ZNF354A: variants seen among roughly 807,000 people sequenced by gnomAD.
ZNF354A encodes epididymis luminal protein 104.
In ZNF354A, 25 loss-of-function variants were observed where a neutral mutation model predicts 53.3. The ratio of observed to expected loss-of-function variants is 0.47; its 90% CI spans 0.34 to 0.66. ZNF354A has a LOEUF of 0.66. Among genes scored for constraint, ZNF354A ranks in the 30% least tolerant of loss-of-function variants. The pLI is 0.01. For synonymous variants in ZNF354A, 228 were observed against 249.0 expected (o/e 0.92, Z 0.79); for missense variants, 586 against 716.8 (o/e 0.82, Z 2.08).
At chr5:178,719,902 C>G (rs1409333367) in intron 4 of ZNF354A, among the ~76,000 whole-genome samples, 14 of 151,612 alleles carry the variant, frequency 9.2e-5, no homozygotes, top group East Asian at 3.9e-4. Flanking sequence ...AGCCGAGATC[C>G]CGCCACCGCA....
chr5:178,728,524 G>A (rs1256965111), intron 2 of ZNF354A, among the ~76,000 whole-genome samples: 1 of 151,782 alleles, frequency 6.6e-6, no homozygotes, highest in Non-Finnish European at 1.5e-5. Flanking sequence ...GTGCAGTGGC[G>A]CACATCTGTA....
At chr5:178,730,403 G>C (rs112338073) in intron 1 of ZNF354A, among the ~76,000 whole-genome samples, 153 bp downstream of exon 1, 16 of 88,886 alleles carry the variant, frequency 1.8e-4, no homozygotes, top group East Asian at 1.6e-3. Flanking sequence ...GCGCCCCGCG[G>C]GGGGGCGAGA....
intron 4 of ZNF354A, among the ~76,000 whole-genome samples, chr5:178,722,866 G>A (rs745362410): frequency 3.3e-5 from 5 of 152,226 alleles, no homozygotes; most frequent in African/African-American, 7.2e-5. Flanking sequence ...GCAGGGCTGC[G>A]TGTCAGATGA....
Position 178,725,941 on chromosome 5 carries a change from G to A in ZNF354A, c.161-470C>T, listed in dbSNP as rs539540196. Reference sequence around the variant, plus strand: ...TGGCTCACTGCAACCTCCGTCTCCCGGGTTCAAGTGATTTTCCTGCCTCAG... The same window carrying A: ...TGGCTCACTGCAACCTCCGTCTCCCAGGTTCAAGTGATTTTCCTGCCTCAG... On this transcript the variant is annotated intron_variant, in intron 3 of 4. Coordinates refer to ENST00000335815, the MANE Select transcript of ZNF354A (RefSeq NM_005649.3). The A allele has an allele frequency of 1.9e-4, 49 of 256,834 alleles. 1 individual carries two copies. Among genetic ancestry groups the A allele is most frequent in the South Asian group, 1.5e-3 (40 of 26,240 alleles). 15.9% of individuals were successfully genotyped at this position (256,834 alleles called of 1,614,324 possible). A position where few individuals can be genotyped will look rare whatever the true frequency, so the allele number is the denominator to read the frequency against.
chr5:178,716,463 T>G (rs2113871218), intron 4 of ZNF354A, among the ~76,000 whole-genome samples: 1 of 152,262 alleles, frequency 6.6e-6, no homozygotes, highest in African/African-American at 2.4e-5. Flanking sequence ...GCTGGCAGCA[T>G]CCTTTCCATT....
intron 2 of ZNF354A, among the ~76,000 whole-genome samples, chr5:178,728,281 T>C (rs557684697): frequency 1.4e-4 from 21 of 152,168 alleles, no homozygotes; most frequent in African/African-American, 5.1e-4. Flanking sequence ...GGTTAAGAAA[T>C]AAATGTGATA....
intron 4 of ZNF354A, among the ~76,000 whole-genome samples, chr5:178,713,985 T>TTG (rs1265232265): frequency 4.9e-5 from 4 of 81,780 alleles, no homozygotes; most frequent in South Asian, 5.8e-4. Context: ...TTTTTTTTTG[T>TTG]TTTTTTTTTT....
intron 4 of ZNF354A, among the ~76,000 whole-genome samples, chr5:178,715,926 T>C (rs1765704042): frequency 6.7e-6 from 1 of 149,594 alleles, no homozygotes; most frequent in Admixed American, 6.7e-5. Flanking sequence ...AGATGGAGTC[T>C]CACTGTGTCA....
rs781174698 is a variant in ZNF354A at position 178,713,637 on chromosome 5, A to C, written c.257-16T>G. On this transcript the variant is annotated splice_polypyrimidine_tract_variant and intron_variant, in intron 4 of 4. Transcript: ENST00000335815. ...CTCTTCGATCCTGGAGGGAAAAAAA[A>C]AATCAAAAATGTTTCATGTGATATC... 1 of 1,529,152 alleles carries C rather than the reference A, an allele frequency of 6.5e-7. No individual in the cohort carries two copies. The highest frequency in any genetic ancestry group is 8.7e-7 in the Non-Finnish European group (1 of 1,150,260). 94.7% of individuals were successfully genotyped at this position (1,529,152 alleles called of 1,614,324 possible).
Position 178,725,449 on chromosome 5 carries a change from T to G in ZNF354A, c.183A>C (p.Lys61Asn), listed in dbSNP as rs765189064. The G allele has an allele frequency of 1.9e-6, 3 of 1,614,212 alleles. No individual in the cohort carries two copies. The highest frequency in any genetic ancestry group is 2.5e-6 in the Non-Finnish European group (3 of 1,180,024). Residue 61 changes from lysine (K) to asparagine (N), a missense_variant, in exon 4 of 5, where the codon AAA becomes AAC. By Grantham distance (94) the Lys-to-Asn change is moderately conservative. This residue lies in a region of ZNF354A where 573 missense variants were observed against 680.1 expected (regional missense o/e 0.84). Transcript: ENST00000335815. ...CTCCTTGCTGCAACAGGGAGATCAC[T>G]TTTGGTTTGGTAAATGGGAGCCCTG... ...VSLGLPFTKP[K>N]VISLLQQGED... is the part of the protein sequence containing the mutation.
chr5:178,718,661 C>A (rs1486804870), intron 4 of ZNF354A, among the ~76,000 whole-genome samples: 1 of 152,212 alleles, frequency 6.6e-6, no homozygotes, highest in Non-Finnish European at 1.5e-5. Context: ...ACCATCATCT[C>A]TTCAGTTAAT....
chr5:178,726,720 T>C (rs1029920312), intron 3 of ZNF354A, among the ~76,000 whole-genome samples: 4 of 152,300 alleles, frequency 2.6e-5, no homozygotes, highest in South Asian at 2.1e-4. Flanking sequence ...TACAGAATCG[T>C]TGGGAAACGA....
chr5:178,718,380 A>G (rs1765753309), intron 4 of ZNF354A, among the ~76,000 whole-genome samples: 1 of 152,192 alleles, frequency 6.6e-6, no homozygotes, highest in Admixed American at 6.5e-5. Context: ...CACTGCCCTG[A>G]CCACTTCCTG....
chr5:178,721,962 A>G (rs139953302), intron 4 of ZNF354A, among the ~76,000 whole-genome samples: 1 of 152,168 alleles, frequency 6.6e-6, no homozygotes, highest in East Asian at 1.9e-4. Flanking sequence ...CATCTAATCA[A>G]TTACCAAGAC....
chr5:178,730,394 C>A (rs1230923375), intron 1 of ZNF354A, among the ~76,000 whole-genome samples, 162 bp downstream of exon 1: 2 of 141,104 alleles, frequency 1.4e-5, no homozygotes, highest in Non-Finnish European at 3.2e-5. Flanking sequence ...GGCGAGGGAG[C>A]GCCCCGCGGG....
rs191420089 is a variant in ZNF354A at position 178,718,843 on chromosome 5, C to A, written c.257-5222G>T. Among the ~76,000 whole-genome samples the A allele has an allele frequency of 1.7e-3, 264 of 152,220 alleles. 1 individual carries two copies. Among genetic ancestry groups the A allele is most frequent in the African/African-American group, 6.0e-3 (249 of 41,524 alleles). On this transcript the variant is annotated intron_variant, in intron 4 of 4. Coordinates refer to ENST00000335815, the MANE Select transcript of ZNF354A (RefSeq NM_005649.3). ...AAACTCCAGGGCTCAAGCGATTCTC[C>A]CACCTCAGCCTCCTGAGCAGCAGGA...
intron 4 of ZNF354A, among the ~76,000 whole-genome samples, chr5:178,721,375 A>G (rs1765809953): frequency 6.6e-6 from 1 of 152,208 alleles, no homozygotes; most frequent in South Asian, 2.1e-4. Context: ...ATCTCAACAT[A>G]TTAAAACATA....
At position 178,713,330 on chromosome 5, in the gene ZNF354A, T is replaced by C. The variant is rs765002157; in HGVS notation, c.548A>G (p.Glu183Gly). 6.2e-7 allele frequency: 1 copy of C among 1,614,176 alleles called. No individual in the cohort carries two copies. The highest frequency in any genetic ancestry group is 1.1e-5 in the South Asian group (1 of 91,088). ...TATTTCACATTTTGGTGGTGTTTTT[T>C]CTCTGGGAAGTATCTGTTGCCTAAT... is the stretch of plus-strand genomic sequence containing the variant. ...VLIRQQILPREKTPPKCEIQG... is the reference protein window; with the variant it reads ...VLIRQQILPRGKTPPKCEIQG... Residue 183 changes from glutamate (E) to glycine (G), a missense_variant, in exon 5 of 5, where the codon GAA becomes GGA. By Grantham distance (98) the Glu-to-Gly change is moderately conservative. Around this residue, in one of 2 missense-constraint regions of ZNF354A, gnomAD observed 573 missense variants for 680.1 expected, o/e 0.84. Transcript: ENST00000335815.
chr5:178,718,764 G>T (rs1765758710), intron 4 of ZNF354A, among the ~76,000 whole-genome samples: 1 of 152,100 alleles, frequency 6.6e-6, no homozygotes, highest in Non-Finnish European at 1.5e-5. Context: ...ACAGGGTCTT[G>T]CTCTGTTGCC....
Sources: allele counts gnomAD v4.1 joint callset (sites outside exome capture counted in the v4.1 genomes callset), GRCh38; gene constraint gnomAD v4.1.1; regional missense constraint gnomAD v4.1.1; transcripts MANE v1.5; gene names NCBI Gene and HGNC (gene_info 2026-07-23, HGNC 2026-07-21).